Variants in ZSCAN18 observed in about 807,000 individuals in gnomAD.
ZSCAN18 encodes zinc finger and SCAN domain-containing protein 18.
ZSCAN18 carries 16 observed loss-of-function variants against 31.1 expected under a neutral mutation model. The observed-to-expected ratio is 0.51, with a 90% CI of 0.35 to 0.78. The LOEUF (loss-of-function observed/expected upper bound fraction) is 0.78, where lower values mean the gene tolerates loss of function less well. ZSCAN18 is among the 30% of genes least tolerant of loss of function. ZSCAN18 has a pLI of 0.01. For missense variants in ZSCAN18, 731 were observed against 697.4 expected, an observed-to-expected ratio of 1.05 and a Z score of -0.54; for synonymous variants, 375 against 320.7, an observed-to-expected ratio of 1.17 and a Z score of -1.81.
chr19:58,086,455 G>GC, intron 5 of ZSCAN18, 189 bp from the exon 6 acceptor site: 1 of 532,000 alleles, frequency 1.9e-6, no homozygotes. Flanking sequence ...GGCTGGAAGG[G>GC]CAACGGGGCA....
chr19:58,108,386 A>G (rs1397978099), intron 1 of ZSCAN18: 1 of 985,508 alleles, frequency 1.0e-6, no homozygotes, highest in Non-Finnish European at 1.2e-6. Context: ...AAACAAGGGA[A>G]GAGTGGCAGC....
Position 58,087,404 on chromosome 19 carries a change from G to C in ZSCAN18, c.554C>G (p.Pro185Arg), listed in dbSNP as rs745915077. Residue 185 changes from proline to arginine, a missense_variant and splice_region_variant, in exon 4 of 7, where the codon CCC becomes CGC. Transcript: ENST00000601144. ...AGEIPAPSET[P>R]WLSPDPLFLE... Reference sequence around the variant, plus strand: ...AAACAGGGGGTCCGGAGAAAGCCAGGCTGGGGAGAAGGAGAGGCAGAGCTG... The same window carrying C: ...AAACAGGGGGTCCGGAGAAAGCCAGCCTGGGGAGAAGGAGAGGCAGAGCTG... The C allele has an allele frequency of 6.3e-7, 1 of 1,597,802 alleles. No homozygotes were observed. Among genetic ancestry groups the C allele is most frequent in the Non-Finnish European group, 8.5e-7 (1 of 1,171,512 alleles).
Position 58,090,205 on chromosome 19 carries a change from G to C in ZSCAN18, c.63C>G (p.Pro21=). The part of the protein sequence containing the change: ...PRSSPAPPDL[P]TPGSAAGVQQ... ...GGACTCCGGCTGCTGACCCCGGCGT[G>C]GGCAGATCCGGCGGGGCTGGGGAGC... The change falls in exon 2 of 7, where the codon CCC becomes CCG. Residue 21 remains proline (P), a synonymous_variant. Coordinates refer to ENST00000601144, the MANE Select transcript of ZSCAN18 (RefSeq NM_001145543.2). This position sits in a 1 kb window ranked among gnomAD's most constrained non-coding sequence, Gnocchi z 4.7. 6.2e-7 allele frequency: 1 copy of C among 1,613,690 alleles called. No individual in the cohort carries two copies. Among genetic ancestry groups the C allele is most frequent in the East Asian group, 2.2e-5 (1 of 44,866 alleles).
chr19:58,085,249 C>A lies in ZSCAN18; in HGVS notation c.969G>T (p.Glu323Asp). Residue 323 changes from glutamate to aspartate, a missense_variant, in exon 7 of 7, where the codon GAG becomes GAT. Transcript: ENST00000601144. Reference protein sequence around the residue: ...ALADPPSGTTEEEEEQPGKAP... With the variant: ...ALADPPSGTTDEEEEQPGKAP... The stretch of plus-strand genomic sequence containing the variant: ...CCTTCCCAGGCTGCTCTTCCTCCTC[C>A]TCAGTGGTGCCCGACGGGGGATCGG... The A allele has an allele frequency of 6.2e-7, 1 of 1,606,222 alleles. No individual in the cohort carries two copies.
intron 3 of ZSCAN18, 89 bp downstream of exon 3, chr19:58,088,599 C>T: frequency 7.1e-7 from 1 of 1,411,914 alleles, no homozygotes; most frequent in Non-Finnish European, 9.6e-7. Flanking sequence ...GACTCCCTGG[C>T]TGCCCTTCTG....
Position 58,086,950 on chromosome 19 carries a change from G to A in ZSCAN18, c.701C>T (p.Pro234Leu), listed in dbSNP as rs772210173. The change falls in exon 5 of 7, where the codon CCT (proline) becomes CTT (leucine). Residue 234 changes from proline to leucine, a missense_variant. Physicochemically the swap from Pro to Leu is moderately conservative, Grantham distance 98 (BLOSUM62 -3). Transcript: ENST00000601144. ...QHLGEWGHLDPAEENLKSYRK... is the reference protein window; with the variant it reads ...QHLGEWGHLDLAEENLKSYRK... ...GTAGCTCTTCAGGTTCTCCTCGGCAGGGTCCAGGTGGCCCCACTCCCCCAG... is the reference window on the plus strand; with the variant it reads ...GTAGCTCTTCAGGTTCTCCTCGGCAAGGTCCAGGTGGCCCCACTCCCCCAG... 2 of 1,613,956 alleles carry A rather than the reference G, an allele frequency of 1.2e-6. No homozygotes were observed. Among genetic ancestry groups the A allele is most frequent in the South Asian group, 2.2e-5 (2 of 91,086 alleles).
chr19:58,118,282 G>T, exon 1 of ZSCAN18: 1 of 1,491,012 alleles, frequency 6.7e-7, no homozygotes, highest in Admixed American at 2.2e-5. Context: ...CTAGGCCTTG[G>T]CTCCGCGACC....
intron 6 of ZSCAN18, 74 bp from the exon 7 acceptor site, chr19:58,085,453 G>A (rs2074258454): frequency 2.9e-6 from 4 of 1,361,304 alleles, no homozygotes; most frequent in Non-Finnish European, 3.9e-6. Flanking sequence ...CCGAGCCTCA[G>A]CTGCCGGAAC....
intron 1 of ZSCAN18, among the ~76,000 whole-genome samples, chr19:58,091,888 G>C (rs957612177): frequency 2.6e-5 from 4 of 152,136 alleles, no homozygotes; most frequent in Non-Finnish European, 5.9e-5. Flanking sequence ...AGCAAGCCCA[G>C]TTTTATAGGG....
intron 1 of ZSCAN18, chr19:58,092,789 TTA>T: frequency 2.4e-6 from 2 of 848,582 alleles, no homozygotes; most frequent in Non-Finnish European, 2.8e-6. Context: ...TTTTTTTTTT[TTA>T]AACACAGGGT....
intron 1 of ZSCAN18, among the ~76,000 whole-genome samples, chr19:58,113,136 A>T (rs926065784): frequency 6.7e-6 from 1 of 150,350 alleles, no homozygotes; most frequent in Non-Finnish European, 1.5e-5. Flanking sequence ...TAACACGGTG[A>T]AACCCCATCT....
intron 1 of ZSCAN18, among the ~76,000 whole-genome samples, chr19:58,104,401 A>C (rs79046092): frequency 0.16 from 23,022 of 139,962 alleles, 1,759 homozygotes; most frequent in Admixed American, 0.2. Flanking sequence ...ACAAAACAAA[A>C]CAAAAAAAAA....
intron 1 of ZSCAN18, chr19:58,109,175 C>A: frequency 8.1e-7 from 1 of 1,231,278 alleles, no homozygotes; most frequent in Non-Finnish European, 1.0e-6. Flanking sequence ...TCCTCACATT[C>A]CCAGACCTCT....
intron 2 of ZSCAN18, among the ~76,000 whole-genome samples, chr19:58,089,399 G>A (rs1029745314): frequency 1.3e-4 from 20 of 150,754 alleles, no homozygotes; most frequent in African/African-American, 4.4e-4. Context: ...AGACCAAGGC[G>A]GGCAGATCAC....
Position 58,090,437 on chromosome 19 carries a change from C to G in ZSCAN18, c.-119-51G>C. ...GGCCTTGCATAAGGCCAGGGCGCAG[C>G]CACCCCAGCTGCCAGAGAACAAAGA... On this transcript the variant is annotated intron_variant, in intron 1 of 6. Transcript: ENST00000601144. The surrounding 1 kb of genome is among the most constrained non-coding windows in gnomAD (Gnocchi z 4.7). 6.9e-7 allele frequency: 1 copy of G among 1,442,210 alleles called. No individual in the cohort carries two copies. The highest frequency in any genetic ancestry group is 9.2e-7 in the Non-Finnish European group (1 of 1,089,814). 89.3% of individuals were successfully genotyped at this position (1,442,210 alleles called of 1,614,324 possible).
At chr19:58,087,614 A>G (rs1461936770) in intron 3 of ZSCAN18, 5 of 552,146 alleles carry the variant, frequency 9.1e-6, no homozygotes, top group Admixed American at 3.4e-5. Flanking sequence ...TGCCCATTCA[A>G]GTCCACTGGA....
At chr19:58,094,515 C>T (rs1022536999) in intron 1 of ZSCAN18, among the ~76,000 whole-genome samples, 2 of 152,052 alleles carry the variant, frequency 1.3e-5, no homozygotes, top group South Asian at 2.1e-4. Context: ...AACTCTGCCT[C>T]GTGGCAAGTA....
chr19:58,085,490 C>G, intron 6 of ZSCAN18, 111 bp from the exon 7 acceptor site: 1 of 963,762 alleles, frequency 1.0e-6, no homozygotes, highest in African/African-American at 1.7e-5. Context: ...GGCTCTGGAT[C>G]CCCGCGGGGC....
At chr19:58,096,108 TATA>T (rs2074515319) in intron 1 of ZSCAN18, among the ~76,000 whole-genome samples, 1 of 152,146 alleles carries the variant, frequency 6.6e-6, no homozygotes, top group African/African-American at 2.4e-5. Context: ...AGCGTACATC[TATA>T]ATCTCAGAGC....
Sources: allele counts gnomAD v4.1 joint callset (sites outside exome capture counted in the v4.1 genomes callset), GRCh38; gene constraint gnomAD v4.1.1; non-coding constraint Gnocchi (gnomAD v3.1); transcripts MANE v1.5; gene names NCBI Gene and HGNC (gene_info 2026-07-23, HGNC 2026-07-21).